TBC1D5: variants seen among roughly 807,000 people sequenced by gnomAD.
The protein encoded by TBC1D5 is TBC1 domain family, member 5.
TBC1D5 carries 75 observed loss-of-function variants against 100.3 expected under a neutral mutation model. That is an observed-to-expected ratio of 0.75 (90% CI 0.62 to 0.91). The LOEUF (loss-of-function observed/expected upper bound fraction) is 0.91. Ranked by LOEUF, TBC1D5 falls within the 40% of genes least tolerant of loss-of-function variation. TBC1D5 has a pLI of 0.00. For missense variants in TBC1D5, 910 were observed against 942.4 expected (o/e 0.97, Z 0.45); for synonymous variants, 323 against 325.6 (o/e 0.99, Z 0.09).
At chr3:17,422,239 G>C (rs903699140) in intron 4 of TBC1D5, among the ~76,000 whole-genome samples, 1 of 152,070 alleles carries the variant, frequency 6.6e-6, no homozygotes, top group East Asian at 1.9e-4. Flanking sequence ...TGCGATCTTG[G>C]CTCACTGCAA....
intron 13 of TBC1D5, among the ~76,000 whole-genome samples, chr3:17,343,298 T>G (rs1221974976): frequency 6.6e-6 from 1 of 151,402 alleles, no homozygotes; most frequent in Non-Finnish European, 1.5e-5. Context: ...GAACCAGCCT[T>G]GCATCCCAGG....
intron 1 of TBC1D5, among the ~76,000 whole-genome samples, chr3:17,729,512 C>T (rs1056671629): frequency 6.6e-6 from 1 of 151,446 alleles, no homozygotes; most frequent in Non-Finnish European, 1.5e-5. Flanking sequence ...TCGAGACCAT[C>T]TTGGCTAACA....
chr3:17,506,213 A>T (rs1264279242), intron 3 of TBC1D5, among the ~76,000 whole-genome samples: 1 of 152,196 alleles, frequency 6.6e-6, no homozygotes, highest in African/African-American at 2.4e-5. Flanking sequence ...TCTTCAAATA[A>T]TATGACAACC....
intron 18 of TBC1D5, among the ~76,000 whole-genome samples, chr3:17,210,532 G>A (rs1182297094): frequency 6.6e-6 from 1 of 152,092 alleles, no homozygotes; most frequent in Non-Finnish European, 1.5e-5. Flanking sequence ...CTTGCTTTTG[G>A]TGTTGCTACT....
At chr3:17,376,527 G>C (rs958299127) in exon 10 of TBC1D5, 1 of 1,608,450 alleles carries the variant, frequency 6.2e-7, no homozygotes, top group Non-Finnish European at 8.5e-7. Context: ...AAACTTGCCT[G>C]GGCTGTGCAG....
chr3:17,310,899 C>T (rs891404614), intron 13 of TBC1D5, among the ~76,000 whole-genome samples: 5 of 151,826 alleles, frequency 3.3e-5, no homozygotes, highest in Non-Finnish European at 7.4e-5. Context: ...TGCTTTGGGA[C>T]CAACGATGAC....
chr3:17,203,580 T>C (rs144132759), intron 18 of TBC1D5, among the ~76,000 whole-genome samples: 2 of 152,150 alleles, frequency 1.3e-5, no homozygotes, highest in African/African-American at 2.4e-5. Flanking sequence ...ATCCTCTGAG[T>C]TGGAGGAGGG....
chr3:17,690,616 A>C (rs1345725535), intron 1 of TBC1D5, among the ~76,000 whole-genome samples: 3 of 152,204 alleles, frequency 2.0e-5, no homozygotes, highest in Non-Finnish European at 4.4e-5. Flanking sequence ...CATTGCTCAC[A>C]TTACCACCTG....
chr3:17,560,989 G>C (rs779056491), intron 2 of TBC1D5, among the ~76,000 whole-genome samples: 1 of 151,820 alleles, frequency 6.6e-6, no homozygotes, highest in Non-Finnish European at 1.5e-5. Flanking sequence ...GTCTAGAGAC[G>C]CACACCTAAG....
intron 3 of TBC1D5, among the ~76,000 whole-genome samples, chr3:17,477,800 A>G (rs935125917): frequency 3.9e-5 from 6 of 152,102 alleles, no homozygotes; most frequent in Non-Finnish European, 8.8e-5. Flanking sequence ...GTATGTATAC[A>G]CATTGCTTTC....
intron 1 of TBC1D5, among the ~76,000 whole-genome samples, chr3:17,642,079 C>G (rs1322934847): frequency 1.3e-5 from 2 of 152,076 alleles, no homozygotes; most frequent in Admixed American, 6.6e-5. Context: ...CTATGAAAAT[C>G]CTATAAAACT....
chr3:17,513,654 A>T (rs1331907478), intron 2 of TBC1D5, among the ~76,000 whole-genome samples: 1 of 152,180 alleles, frequency 6.6e-6, no homozygotes, highest in African/African-American at 2.4e-5. Context: ...CTGATGGTAA[A>T]CCTAAAAGTC....
Position 17,545,120 on chromosome 3 carries a change from T to C in TBC1D5, c.-35-36515A>G, listed in dbSNP as rs565360276. On this transcript the variant is annotated intron_variant, in intron 2 of 21. Transcript: ENST00000253692. ...TTTTATTTTTTAAAAAAAGCACTAT[T>C]ATGACACCGAAAAAATCGTACATTG... Among the ~76,000 whole-genome samples the C allele has an allele frequency of 1.1e-3, 163 of 152,306 alleles. 1 individual carries two copies. Among genetic ancestry groups the C allele is most frequent in the African/African-American group, 3.8e-3 (158 of 41,554 alleles).
exon 22 of TBC1D5, chr3:17,159,233 G>A (rs2065836562): frequency 6.6e-6 from 1 of 152,200 alleles, no homozygotes; most frequent in Admixed American, 6.5e-5. Flanking sequence ...TTCCCTGCTA[G>A]AGTTTAAGAG....
chr3:17,600,414 A>G (rs2060855578), intron 2 of TBC1D5, among the ~76,000 whole-genome samples: 1 of 152,208 alleles, frequency 6.6e-6, no homozygotes, highest in Non-Finnish European at 1.5e-5. Flanking sequence ...TCAGCAGTGA[A>G]TTAATTCATA....
chr3:17,313,588 T>C (rs1483977004), intron 13 of TBC1D5, among the ~76,000 whole-genome samples: 2 of 152,156 alleles, frequency 1.3e-5, no homozygotes, highest in African/African-American at 4.8e-5. Flanking sequence ...TTTGAAACCA[T>C]CATAGACATT....
chr3:17,289,041 T>G (rs914151877), intron 15 of TBC1D5, among the ~76,000 whole-genome samples: 1 of 152,198 alleles, frequency 6.6e-6, no homozygotes, highest in African/African-American at 2.4e-5. Context: ...CTCTGGGGCT[T>G]CGGGGTTGTG....
At chr3:17,286,258 G>A (rs766470250) in intron 15 of TBC1D5, among the ~76,000 whole-genome samples, 5 of 152,114 alleles carry the variant, frequency 3.3e-5, no homozygotes, top group African/African-American at 9.7e-5. Context: ...AAAATTCACC[G>A]TTAACTTAAA....
intron 15 of TBC1D5, among the ~76,000 whole-genome samples, chr3:17,277,477 G>T (rs568507711): frequency 2.0e-4 from 30 of 152,016 alleles, no homozygotes; most frequent in Non-Finnish European, 3.7e-4. Context: ...ATCTCGTTGG[G>T]CTTTACTCTT....
Sources: allele counts gnomAD v4.1 joint callset (sites outside exome capture counted in the v4.1 genomes callset), GRCh38; gene constraint gnomAD v4.1.1; transcripts MANE v1.5; gene names NCBI Gene and HGNC (gene_info 2026-07-23, HGNC 2026-07-21).